MICU1: variants seen among roughly 807,000 people sequenced by gnomAD.
MICU1 encodes the protein calcium uptake protein 1, mitochondrial.
In MICU1, 45 loss-of-function variants were observed where a neutral mutation model predicts 56.8. That is an observed-to-expected ratio of 0.79 (90% CI 0.62 to 1.02). The LOEUF (loss-of-function observed/expected upper bound fraction) is 1.02. Ranked by LOEUF, MICU1 falls within the 50% of genes least tolerant of loss-of-function variation. The pLI, the probability that MICU1 is intolerant of heterozygous loss-of-function variation, is 0.00. For synonymous variants in MICU1, 186 were observed against 195.1 expected, an observed-to-expected ratio of 0.95 and a Z score of 0.39; for missense variants, 504 against 587.1, an observed-to-expected ratio of 0.86 and a Z score of 1.46.
At chr10:72,514,287 A>G (rs1867576023) in intron 5 of MICU1, among the ~76,000 whole-genome samples, 1 of 152,078 alleles carries the variant, frequency 6.6e-6, no homozygotes, top group East Asian at 1.9e-4. Context: ...GTTGATCTAA[A>G]GTCTTTGAGT....
intron 5 of MICU1, among the ~76,000 whole-genome samples, chr10:72,511,250 T>C (rs1867439170): frequency 6.6e-6 from 1 of 152,198 alleles, no homozygotes; most frequent in African/African-American, 2.4e-5. Flanking sequence ...TAATTCCTTT[T>C]TATTGCCAAA....
intron 6 of MICU1, among the ~76,000 whole-genome samples, chr10:72,496,738 A>AT (rs1166646828): frequency 5.9e-5 from 9 of 151,950 alleles, no homozygotes; most frequent in African/African-American, 2.2e-4. Context: ...GCCTGGCCTA[A>AT]TTTTTGTATG....
At chr10:72,391,879 G>A (rs1863084687) in intron 10 of MICU1, 1 of 152,068 alleles carries the variant, frequency 6.6e-6, no homozygotes, top group African/African-American at 2.4e-5. Flanking sequence ...TTAAGTTTTT[G>A]GGGAGTCTAA....
intron 10 of MICU1, among the ~76,000 whole-genome samples, chr10:72,386,555 C>T (rs1006934459): frequency 1.7e-5 from 2 of 114,536 alleles, no homozygotes; most frequent in African/African-American, 6.4e-5. Flanking sequence ...CCCCCGCCAC[C>T]TATTTTTTTT....
In MICU1 at chr10:72,386,857, G is replaced by C. The variant is rs115520716; in HGVS notation, c.1181-10985C>G. On this transcript the variant is annotated intron_variant, in intron 10 of 11. Transcript: ENST00000361114. ...CCTGGCCTGCACTCATTTTTTGACA[G>C]AGTGCACTTTACAGAACCATCATTC... Among the ~76,000 whole-genome samples the C allele has an allele frequency of 4.8e-3, 734 of 152,208 alleles. 5 individuals carry two copies. The highest frequency in any genetic ancestry group is 0.017 in the African/African-American group (706 of 41,516).
At chr10:72,592,635 T>C (rs1841259368) in intron 1 of MICU1, among the ~76,000 whole-genome samples, 1 of 152,214 alleles carries the variant, frequency 6.6e-6, no homozygotes, top group East Asian at 1.9e-4. Context: ...CATGACAAAG[T>C]GGGATTTATT....
intron 10 of MICU1, among the ~76,000 whole-genome samples, chr10:72,403,187 C>A (rs1863513780): frequency 6.6e-6 from 1 of 151,794 alleles, no homozygotes; most frequent in Admixed American, 6.6e-5. Flanking sequence ...ACCACCCAGG[C>A]CAAGACAGTG....
chr10:72,524,251 G>C (rs554166402), intron 5 of MICU1, among the ~76,000 whole-genome samples: 1 of 152,076 alleles, frequency 6.6e-6, no homozygotes, highest in Non-Finnish European at 1.5e-5. Context: ...CTCCTGAGTA[G>C]CTAGGACTAC....
At chr10:72,410,084 T>G (rs1438948808) in intron 9 of MICU1, among the ~76,000 whole-genome samples, 1 of 152,256 alleles carries the variant, frequency 6.6e-6, no homozygotes, top group Non-Finnish European at 1.5e-5. Context: ...TTGCTTAATT[T>G]TATCTGTTGT....
At chr10:72,435,036 A>T (rs1674194193) in intron 8 of MICU1, among the ~76,000 whole-genome samples, 1 of 147,142 alleles carries the variant, frequency 6.8e-6, no homozygotes, top group South Asian at 2.1e-4. Context: ...CTTTGGGCTT[A>T]GTAATCCATA....
intron 3 of MICU1, among the ~76,000 whole-genome samples, chr10:72,554,281 T>C (rs74744779): frequency 0.036 from 5,446 of 152,236 alleles, 309 homozygotes; most frequent in African/African-American, 0.12. Flanking sequence ...TTAACAGATA[T>C]AGGCAATGAA....
chr10:72,488,485 G>A (rs1163903542), intron 6 of MICU1, among the ~76,000 whole-genome samples: 1 of 152,010 alleles, frequency 6.6e-6, no homozygotes. Context: ...ATATAATGAA[G>A]TACACAAGTT....
At chr10:72,582,666 A>C (rs1399386218) in intron 1 of MICU1, 2 of 152,034 alleles carry the variant, frequency 1.3e-5, no homozygotes, top group African/African-American at 4.8e-5. Flanking sequence ...TGTATTCTCC[A>C]CTAGTCAGGA....
rs573797001 is a variant in MICU1, at chr10:72,487,558, T to C, written c.653-10302A>G. On this transcript the variant is annotated intron_variant, in intron 6 of 11. Transcript: ENST00000361114. ...GTGGGTCAGTCAAGAGCAAAGGTCA[T>C]GGCAGGAGTTTTTGGGATGCTCAAG... 3.9e-5 allele frequency among the ~76,000 whole-genome samples: 6 copies of C among 152,276 alleles called. No individual in the cohort carries two copies. In the South Asian group the frequency reaches 1.2e-3, roughly 32 times the overall value.
In MICU1 at chr10:72,440,136, C is replaced by T. The variant is rs139704991; in HGVS notation, c.934-16765G>A. Among the ~76,000 whole-genome samples, 172 of 152,260 alleles carry T rather than the reference C, an allele frequency of 1.1e-3. 3 individuals carry two copies. Among genetic ancestry groups the T allele is most frequent in the African/African-American group, 3.5e-3 (146 of 41,554 alleles). ...AACAAAGCTGGAGGCATCACGCTAC[C>T]TGACTTCAAACTATACTACAAGGCT... On this transcript the variant is annotated intron_variant, in intron 8 of 11. Coordinates refer to ENST00000361114, the MANE Select transcript of MICU1 (RefSeq NM_001195518.2).
intron 6 of MICU1, among the ~76,000 whole-genome samples, chr10:72,480,790 T>G (rs560626724): frequency 6.6e-6 from 1 of 152,224 alleles, no homozygotes; most frequent in Non-Finnish European, 1.5e-5. Flanking sequence ...AGTCTTACTG[T>G]CTTGTGAGTT....
At chr10:72,409,381 C>A (rs1189114197) in intron 9 of MICU1, among the ~76,000 whole-genome samples, 1 of 152,164 alleles carries the variant, frequency 6.6e-6, no homozygotes, top group Non-Finnish European at 1.5e-5. Context: ...TGTTTCTCAC[C>A]TTATCAAACT....
intron 3 of MICU1, among the ~76,000 whole-genome samples, chr10:72,556,691 AAT>A (rs1840166837): frequency 6.6e-6 from 1 of 152,078 alleles, no homozygotes; most frequent in African/African-American, 2.4e-5. Flanking sequence ...ATTAATAAAT[AAT>A]ATATTTTTTC....
At chr10:72,398,234 G>A (rs1015836187) in intron 10 of MICU1, among the ~76,000 whole-genome samples, 13 of 152,242 alleles carry the variant, frequency 8.5e-5, no homozygotes, top group African/African-American at 2.9e-4. Flanking sequence ...GATGTTCTTT[G>A]AAACCAATGA....
Sources: allele counts gnomAD v4.1 joint callset (sites outside exome capture counted in the v4.1 genomes callset), GRCh38; gene constraint gnomAD v4.1.1; transcripts MANE v1.5; gene names NCBI Gene and HGNC (gene_info 2026-07-23, HGNC 2026-07-21).